CCDC33: variants seen among roughly 807,000 people sequenced by gnomAD.
CCDC33 encodes coiled-coil domain-containing protein 33.
A neutral mutation model predicts 91.9 loss-of-function variants in CCDC33; 94 were observed. The ratio of observed to expected loss-of-function variants is 1.02; its 90% CI spans 0.87 to 1.21. The LOEUF (loss-of-function observed/expected upper bound fraction) is 1.21. Among genes scored for constraint, CCDC33 ranks in the 50% most tolerant of loss-of-function variants. The pLI is 0.00. For synonymous variants in CCDC33, 396 were observed against 374.5 expected (o/e 1.06, Z -0.66); for missense variants, 940 against 935.5 (o/e 1.00, Z -0.06).
chr15:74,323,637 C>T (rs1416964557), intron 11 of CCDC33, among the ~76,000 whole-genome samples: 1 of 152,150 alleles, frequency 6.6e-6, no homozygotes, highest in Non-Finnish European at 1.5e-5. Context: ...AAGTGATTCT[C>T]AGGCCTCGGC....
At chr15:74,302,857 C>T (rs1387160705) in intron 11 of CCDC33, 1 of 152,766 alleles carries the variant, frequency 6.5e-6, no homozygotes, top group African/African-American at 2.4e-5. Context: ...ACTCATAGTG[C>T]TCCCACTGCT....
intron 10 of CCDC33, among the ~76,000 whole-genome samples, chr15:74,290,171 G>T (rs2059559133): frequency 7.2e-6 from 1 of 138,228 alleles, no homozygotes; most frequent in African/African-American, 2.5e-5. Flanking sequence ...CCATTTGTTA[G>T]GTTTCTTTTC....
At chr15:74,241,379 T>C (rs569145281) in intron 1 of CCDC33, among the ~76,000 whole-genome samples, 1 of 152,260 alleles carries the variant, frequency 6.6e-6, no homozygotes, top group East Asian at 1.9e-4. Context: ...ATGACAGTTC[T>C]GGAGTGACAC....
At chr15:74,320,004 C>T (rs1201871921) in intron 11 of CCDC33, among the ~76,000 whole-genome samples, 1 of 152,186 alleles carries the variant, frequency 6.6e-6, no homozygotes, top group African/African-American at 2.4e-5. Context: ...CAACTGCCTC[C>T]CCTCCCTGGG....
exon 2 of CCDC33, chr15:74,209,505 C>T (rs540262742): frequency 6.9e-7 from 1 of 1,441,816 alleles, no homozygotes; most frequent in East Asian, 2.5e-5. Flanking sequence ...TAAGGGGAGT[C>T]ATCACAGGGC....
chr15:74,249,679 G>A (rs2075645636), intron 2 of CCDC33, among the ~76,000 whole-genome samples: 1 of 152,234 alleles, frequency 6.6e-6, no homozygotes, highest in East Asian at 1.9e-4. Flanking sequence ...GAGGAACCGG[G>A]GGAGAGACCC....
At chr15:74,280,391 G>C in intron 8 of CCDC33, among the ~76,000 whole-genome samples, 1 of 152,238 alleles carries the variant, frequency 6.6e-6, no homozygotes, top group Admixed American at 6.5e-5. Context: ...ATGGGCTTCA[G>C]AGACCAGCTG....
chr15:74,243,044 C>T (rs1219157352), intron 1 of CCDC33, among the ~76,000 whole-genome samples: 1 of 152,220 alleles, frequency 6.6e-6, no homozygotes, highest in African/African-American at 2.4e-5. Context: ...CAGCAGCTCT[C>T]GTTAAGATGG....
chr15:74,253,364 G>T (rs990200233), intron 2 of CCDC33, among the ~76,000 whole-genome samples: 1 of 152,214 alleles, frequency 6.6e-6, no homozygotes, highest in African/African-American at 2.4e-5. Flanking sequence ...ATGCCACAGG[G>T]TCTAGCTTGT....
chr15:74,328,022 C>T (rs1181542308), intron 11 of CCDC33, among the ~76,000 whole-genome samples: 1 of 152,090 alleles, frequency 6.6e-6, no homozygotes, highest in Non-Finnish European at 1.5e-5. Context: ...TGTGTGTGTG[C>T]GTGTTTCGCT....
rs759748296 is a variant in CCDC33, at chr15:74,272,778, C to G, written c.646C>G (p.Gln216Glu). The change falls in exon 7 of 19, where the codon CAG (glutamine) becomes GAG (glutamate). Residue 216 changes from glutamine to glutamate, a missense_variant. Transcript: ENST00000398814. Reference protein sequence around the residue: ...VPNYKEFKVSQANRDLASVGL... With the variant: ...VPNYKEFKVSEANRDLASVGL... Reference sequence around the variant, plus strand: ...GTCTCCCTGCCTCCCCAGGGTCAGCCAGGCTAACAGGGACCTGGCCTCTGT... The same window carrying G: ...GTCTCCCTGCCTCCCCAGGGTCAGCGAGGCTAACAGGGACCTGGCCTCTGT... The G allele has an allele frequency of 1.2e-6, 2 of 1,614,100 alleles. No homozygotes were observed. Among genetic ancestry groups the G allele is most frequent in the Non-Finnish European group, 1.7e-6 (2 of 1,179,998 alleles).
exon 1 of CCDC33, chr15:74,217,201 A>C: frequency 8.8e-7 from 1 of 1,137,478 alleles, no homozygotes; most frequent in Non-Finnish European, 1.1e-6. Context: ...GCAGGCTTTC[A>C]GACTGGGTCC....
chr15:74,203,319 C>T, intron 1 of CCDC33: 1 of 489,916 alleles, frequency 2.0e-6, no homozygotes, highest in Non-Finnish European at 2.7e-6. Flanking sequence ...GGAGCCCCGC[C>T]TGCCTCCTGC....
At position 74,218,510 on chromosome 15, in the gene CCDC33, T is replaced by C; in HGVS notation, c.324T>C (p.Asn108=). ...TCCCTCATCCAGGTTTCTGCAAGAA[T>C]GACGGGCAGCATGATGCTCAGCTGC... Residue 108 remains asparagine (N), a synonymous_variant, in exon 2 of 3, where the codon AAT becomes AAC. Coordinates refer to the CCDC33 transcript ENST00000635913. The surrounding 1 kb of genome is among the most constrained non-coding windows in gnomAD (Gnocchi z 4.8). The C allele has an allele frequency of 7.8e-7, 1 of 1,285,738 alleles. No individual in the cohort carries two copies. Among genetic ancestry groups the C allele is most frequent in the Non-Finnish European group, 1.0e-6 (1 of 986,412 alleles). 79.6% of individuals were successfully genotyped at this position (1,285,738 alleles called of 1,614,324 possible).
intron 2 of CCDC33, among the ~76,000 whole-genome samples, chr15:74,248,513 G>A (rs2075607514): frequency 6.6e-6 from 1 of 152,068 alleles, no homozygotes; most frequent in South Asian, 2.1e-4. Flanking sequence ...CCTTCTCTCT[G>A]GGTTTGTTGC....
At chr15:74,313,762 T>C (rs943510845) in intron 11 of CCDC33, among the ~76,000 whole-genome samples, 1 of 152,188 alleles carries the variant, frequency 6.6e-6, no homozygotes, top group Non-Finnish European at 1.5e-5. Context: ...CTCTGGGTCC[T>C]GCATAGCACA....
intron 11 of CCDC33, among the ~76,000 whole-genome samples, chr15:74,323,444 C>T (rs915230730): frequency 6.6e-6 from 1 of 152,126 alleles, no homozygotes; most frequent in African/African-American, 2.4e-5. Context: ...TCATGCCCCT[C>T]CCAGCCACAC....
At chr15:74,222,745 C>T (rs1272114938) in intron 2 of CCDC33, among the ~76,000 whole-genome samples, 2 of 151,518 alleles carry the variant, frequency 1.3e-5, no homozygotes, top group Admixed American at 6.6e-5. Flanking sequence ...CTGTTGTGAA[C>T]GGCTTTCCTA....
At chr15:74,253,213 T>C (rs1027758459) in intron 2 of CCDC33, among the ~76,000 whole-genome samples, 1 of 152,192 alleles carries the variant, frequency 6.6e-6, no homozygotes, top group African/African-American at 2.4e-5. Flanking sequence ...CTCCTCTGCT[T>C]ACTCCTGAGC....
Sources: allele counts gnomAD v4.1 joint callset (sites outside exome capture counted in the v4.1 genomes callset), GRCh38; gene constraint gnomAD v4.1.1; non-coding constraint Gnocchi (gnomAD v3.1); transcripts MANE v1.5; gene names NCBI Gene and HGNC (gene_info 2026-07-23, HGNC 2026-07-21).